The following PDZRN3 variants were observed in gnomAD, a reference collection of about 807,000 sequenced individuals.
PDZRN3 encodes the protein E3 ubiquitin-protein ligase PDZRN3.
PDZRN3 carries 38 observed loss-of-function variants against 85.7 expected under a neutral mutation model. The ratio of observed to expected loss-of-function variants is 0.44; its 90% CI spans 0.34 to 0.58. The LOEUF (loss-of-function observed/expected upper bound fraction) is 0.58, where lower values mean the gene tolerates loss of function less well. PDZRN3 is among the 20% of genes least tolerant of loss of function. The probability of loss-of-function intolerance (pLI) is 0.01; values close to 1 mark genes in which losing one functional copy is unlikely to be tolerated. For synonymous variants in PDZRN3, 759 were observed against 638.0 expected (o/e 1.19, Z -2.86); for missense variants, 1,629 against 1,506.4 (o/e 1.08, Z -1.35).
At chr3:73,502,212 C>T (rs891883731) in intron 3 of PDZRN3, among the ~76,000 whole-genome samples, 1 of 152,100 alleles carries the variant, frequency 6.6e-6, no homozygotes, top group Non-Finnish European at 1.5e-5. Context: ...TTTGGTTGCT[C>T]ATGATGGAGA....
At chr3:73,559,405 T>A (rs1371601829) in intron 3 of PDZRN3, among the ~76,000 whole-genome samples, 1 of 149,140 alleles carries the variant, frequency 6.7e-6, no homozygotes, top group Non-Finnish European at 1.5e-5. Flanking sequence ...TGACGTTAAA[T>A]GAGGTCTAAT....
chr3:73,499,907 C>T (rs1703943882), intron 3 of PDZRN3, among the ~76,000 whole-genome samples: 1 of 152,138 alleles, frequency 6.6e-6, no homozygotes, highest in African/African-American at 2.4e-5. Context: ...CATACAGAGC[C>T]TAGACCACAG....
chr3:73,485,752 A>C (rs1294487411), intron 3 of PDZRN3, among the ~76,000 whole-genome samples: 2 of 152,220 alleles, frequency 1.3e-5, no homozygotes, highest in African/African-American at 2.4e-5. Flanking sequence ...AAGAGTGACA[A>C]TTAAATAAGA....
intron 3 of PDZRN3, among the ~76,000 whole-genome samples, chr3:73,411,000 C>T (rs1701956030): frequency 6.6e-6 from 1 of 152,254 alleles, no homozygotes; most frequent in African/African-American, 2.4e-5. Flanking sequence ...GCTGTTTCTA[C>T]AGCCAAATCT....
chr3:73,600,337 A>ACACACACACACTCT (rs34405662), intron 3 of PDZRN3, among the ~76,000 whole-genome samples: 39 of 100,054 alleles, frequency 3.9e-4, no homozygotes, highest in African/African-American at 1.6e-3. Context: ...ACACACACAC[A>ACACACACACACTCT]CTCTCTCTCT....
At chr3:73,608,749 T>C in intron 1 of PDZRN3, 65 bp from the exon 2 acceptor site, 5 of 997,216 alleles carry the variant, frequency 5.0e-6, no homozygotes, top group Non-Finnish European at 7.8e-6. Flanking sequence ...GGAATTTTCC[T>C]TCTATCTAAG....
At chr3:73,487,633 TC>T (rs1425616635) in intron 3 of PDZRN3, among the ~76,000 whole-genome samples, 1 of 152,158 alleles carries the variant, frequency 6.6e-6, no homozygotes, top group Non-Finnish European at 1.5e-5. Flanking sequence ...TTCTTTTTTT[TC>T]CCCCATAAAT....
chr3:73,499,500 G>C (rs1036574677), intron 3 of PDZRN3, among the ~76,000 whole-genome samples: 1 of 152,034 alleles, frequency 6.6e-6, no homozygotes, highest in Non-Finnish European at 1.5e-5. Context: ...ACATATCTGA[G>C]GCATCTGCTA....
chr3:73,420,462 C>T (rs1702177111), intron 3 of PDZRN3, among the ~76,000 whole-genome samples: 1 of 152,210 alleles, frequency 6.6e-6, no homozygotes, highest in Non-Finnish European at 1.5e-5. Flanking sequence ...AATACTGAAT[C>T]TGAGAATTTT....
intron 1 of PDZRN3, among the ~76,000 whole-genome samples, chr3:73,610,455 C>A (rs1702665941): frequency 6.6e-6 from 1 of 152,186 alleles, no homozygotes; most frequent in Admixed American, 6.5e-5. Flanking sequence ...ATAACTTTCA[C>A]TGCTCTAAAA....
chr3:73,588,889 C>T (rs953355047), intron 3 of PDZRN3, among the ~76,000 whole-genome samples: 6 of 152,234 alleles, frequency 3.9e-5, no homozygotes, highest in East Asian at 3.9e-4. Flanking sequence ...GTTTGATGAT[C>T]GATGCAAAAT....
chr3:73,448,274 T>G (rs1315018165), intron 3 of PDZRN3, among the ~76,000 whole-genome samples: 1 of 152,228 alleles, frequency 6.6e-6, no homozygotes, highest in African/African-American at 2.4e-5. Flanking sequence ...CACCTACGAT[T>G]GTTGTGAAGA....
chr3:73,494,429 T>A (rs4371454), intron 3 of PDZRN3, among the ~76,000 whole-genome samples: 62,586 of 152,098 alleles, frequency 0.41, 14,495 homozygotes, highest in East Asian at 0.69. Flanking sequence ...CTAACATATT[T>A]ACATAAAGCT....
Position 73,624,784 on chromosome 3 carries a change from C to T in PDZRN3, c.42G>A (p.Pro14=), listed in dbSNP as rs758701609. ...TGTGGCACAGCGCGCACTTCAGGTCCGGGTCCACGTCGCCGTCGAAGCGGT... is the reference window on the plus strand; with the variant it reads ...TGTGGCACAGCGCGCACTTCAGGTCTGGGTCCACGTCGCCGTCGAAGCGGT... ...ELDRFDGDVD[P]DLKCALCHKV... Residue 14 remains proline (P), a synonymous_variant, in exon 1 of 10, where the codon CCG becomes CCA. Transcript: ENST00000263666. 3.5e-6 allele frequency: 5 copies of T among 1,416,320 alleles called. No homozygotes were observed. The South Asian group carries it at 6.3e-5, about 18-fold the overall frequency. 87.7% of individuals were successfully genotyped at this position (1,416,320 alleles called of 1,614,324 possible).
chr3:73,460,801 A>AT (rs542900954), intron 3 of PDZRN3, among the ~76,000 whole-genome samples: 5 of 150,990 alleles, frequency 3.3e-5, no homozygotes, highest in African/African-American at 4.9e-5. Context: ...TTTATTTTTT[A>AT]TTTTTTTTTG....
chr3:73,624,708 C>G lies in PDZRN3; in HGVS notation c.118G>C (p.Gly40Arg), dbSNP rs773984982. ...TTPCGHVFCA[G>R]CVLPWVVQEG... ...TGCACCACCCAGGGCAGCACGCAGCCGGCGCAGAAGACGTGGCCGCACGGC... is the reference window on the plus strand; with the variant it reads ...TGCACCACCCAGGGCAGCACGCAGCGGGCGCAGAAGACGTGGCCGCACGGC... Residue 40 changes from glycine to arginine, a missense_variant, in exon 1 of 10, where the codon GGC (glycine) becomes CGC (arginine). Physicochemically the swap from Gly to Arg is moderately radical, Grantham distance 125. Coordinates refer to ENST00000263666, the MANE Select transcript of PDZRN3 (RefSeq NM_015009.3). 1 of 1,529,006 alleles carries G rather than the reference C, an allele frequency of 6.5e-7. No homozygotes were observed. The highest frequency in any genetic ancestry group is 1.2e-5 in the South Asian group (1 of 82,288). 94.7% of individuals were successfully genotyped at this position (1,529,006 alleles called of 1,614,324 possible).
At chr3:73,529,288 C>G (rs1039876642) in intron 3 of PDZRN3, among the ~76,000 whole-genome samples, 1 of 152,068 alleles carries the variant, frequency 6.6e-6, no homozygotes, top group Non-Finnish European at 1.5e-5. Flanking sequence ...TGTTTGGTGC[C>G]GGCACCCTTG....
intron 3 of PDZRN3, among the ~76,000 whole-genome samples, chr3:73,486,071 A>G (rs1007035646): frequency 1.6e-4 from 25 of 152,248 alleles, no homozygotes; most frequent in African/African-American, 6.0e-4. Context: ...TATCTTCATC[A>G]GAGGAAGGTA....
At chr3:73,388,502 G>A (rs1701447204) in intron 7 of PDZRN3, among the ~76,000 whole-genome samples, 1 of 152,188 alleles carries the variant, frequency 6.6e-6, no homozygotes, top group South Asian at 2.1e-4. Context: ...TATACATGGT[G>A]TTTTGTGTCC....
Sources: allele counts gnomAD v4.1 joint callset (sites outside exome capture counted in the v4.1 genomes callset), GRCh38; gene constraint gnomAD v4.1.1; transcripts MANE v1.5; gene names NCBI Gene and HGNC (gene_info 2026-07-23, HGNC 2026-07-21).